MYO1B: variants seen among roughly 807,000 people sequenced by gnomAD.
MYO1B encodes the protein unconventional myosin-Ib.
A neutral mutation model predicts 159.7 loss-of-function variants in MYO1B; 72 were observed. The ratio of observed to expected loss-of-function variants is 0.45; its 90% confidence interval spans 0.37 to 0.55. The LOEUF is 0.55. Among genes scored for constraint, MYO1B ranks in the 20% least tolerant of loss-of-function variants. MYO1B has a pLI of 0.00. For missense variants in MYO1B, 1,062 were observed against 1,364.8 expected (o/e 0.78, Z 3.50); for synonymous variants, 468 against 473.8 (o/e 0.99, Z 0.16).
At chr2:191,415,427 G>C (rs1470596044) in intron 29 of MYO1B, among the ~76,000 whole-genome samples, 1 of 152,066 alleles carries the variant, frequency 6.6e-6, no homozygotes, top group East Asian at 1.9e-4. Context: ...CCCTACTTTG[G>C]ATCTTAACTT....
At chr2:191,284,000 A>G (rs1486315594) in intron 2 of MYO1B, among the ~76,000 whole-genome samples, 7 of 152,250 alleles carry the variant, frequency 4.6e-5, no homozygotes, top group Non-Finnish European at 1.0e-4. Flanking sequence ...TGATCATTAC[A>G]TGGTGCTCTC....
At chr2:191,318,702 T>A (rs933833517) in intron 3 of MYO1B, among the ~76,000 whole-genome samples, 13 of 152,222 alleles carry the variant, frequency 8.5e-5, no homozygotes, top group Non-Finnish European at 1.8e-4. Context: ...GTGTGTGATA[T>A]TTCAACATAG....
chr2:191,251,877 A>G (rs761583671), intron 1 of MYO1B, among the ~76,000 whole-genome samples: 14 of 152,076 alleles, frequency 9.2e-5, no homozygotes, highest in Non-Finnish European at 2.1e-4. Context: ...TCTTAATTGC[A>G]AGATTCCTGC....
rs544008370 is a variant in MYO1B, at chr2:191,372,514, C to T, written c.1185+2222C>T. Among the ~76,000 whole-genome samples, 5 of 152,288 alleles carry T rather than the reference C, an allele frequency of 3.3e-5. No homozygotes were observed. The South Asian group carries it at 1.0e-3, about 32-fold the overall frequency. ...CAGTAGTAAACATAACTGAGATATT[C>T]CTTGTCTGCATGGAGCTTAGAGTCT... is the stretch of plus-strand genomic sequence containing the variant. On this transcript the variant is annotated intron_variant, in intron 13 of 30. Transcript: ENST00000392318.
intron 4 of MYO1B, among the ~76,000 whole-genome samples, chr2:191,341,120 T>C (rs6434464): frequency 0.43 from 65,876 of 151,872 alleles, 14,998 homozygotes; most frequent in African/African-American, 0.59. Flanking sequence ...ACCCAGGTTA[T>C]CAAGTTATTT....
chr2:191,319,368 A>C (rs901677246), intron 3 of MYO1B, among the ~76,000 whole-genome samples: 1 of 152,164 alleles, frequency 6.6e-6, no homozygotes, highest in Non-Finnish European at 1.5e-5. Context: ...GAAAGCTGTC[A>C]GTCACTCTAG....
intron 1 of MYO1B, among the ~76,000 whole-genome samples, chr2:191,251,702 A>G (rs1478458549): frequency 6.6e-6 from 1 of 152,254 alleles, no homozygotes; most frequent in African/African-American, 2.4e-5. Flanking sequence ...CAATATCTTT[A>G]AAGACTTTTT....
At chr2:191,320,156 TTTG>T (rs751727096) in intron 3 of MYO1B, among the ~76,000 whole-genome samples, 107 of 152,268 alleles carry the variant, frequency 7.0e-4, no homozygotes, top group Non-Finnish European at 1.2e-3. Flanking sequence ...GGGGAAAGGT[TTTG>T]TTGTTGTTTT....
At chr2:191,414,421 G>A in intron 28 of MYO1B, 96 bp from the exon 29 acceptor site, 1 of 1,190,278 alleles carries the variant, frequency 8.4e-7, no homozygotes, top group Admixed American at 3.0e-5. Flanking sequence ...GTTTGTTGAA[G>A]GATATTGGAA....
chr2:191,351,200 A>G (rs548914885), intron 7 of MYO1B, among the ~76,000 whole-genome samples: 31 of 152,256 alleles, frequency 2.0e-4, no homozygotes, highest in African/African-American at 7.0e-4. Context: ...AAAAAAAAAA[A>G]AAAGAAAGTT....
At chr2:191,423,162 G>T (rs968050280) in intron 30 of MYO1B, among the ~76,000 whole-genome samples, 2 of 152,122 alleles carry the variant, frequency 1.3e-5, no homozygotes, top group African/African-American at 2.4e-5. Flanking sequence ...AGGTGATTTT[G>T]TGCAAACATC....
At position 191,330,061 on chromosome 2, in the gene MYO1B, G is replaced by A. The variant is rs777755939; in HGVS notation, c.346+32G>A. On this transcript the variant is annotated intron_variant, in intron 4 of 30. Coordinates refer to ENST00000392318, the MANE Select transcript of MYO1B (RefSeq NM_001130158.3). ...CTCCTACCAAGCAACTCTGCAGAAG[G>A]TAAATGCTGCACAGAATGACAACAG... 3.2e-6 allele frequency: 5 copies of A among 1,577,760 alleles called. No homozygotes were observed. In the Admixed American group the frequency reaches 6.7e-5, roughly 21 times the overall value.
intron 15 of MYO1B, among the ~76,000 whole-genome samples, 177 bp downstream of exon 15, chr2:191,383,519 C>CTT (rs780848794): frequency 8.7e-6 from 1 of 114,364 alleles, no homozygotes; most frequent in African/African-American, 3.9e-5. Context: ...TACACGTACA[C>CTT]ACACACACAC....
At chr2:191,254,590 C>T (rs942682144) in intron 1 of MYO1B, among the ~76,000 whole-genome samples, 1 of 151,982 alleles carries the variant, frequency 6.6e-6, no homozygotes, top group Non-Finnish European at 1.5e-5. Flanking sequence ...GGTGCAGCCT[C>T]ATACTCCTGG....
At chr2:191,412,083 G>C (rs1158893464) in intron 27 of MYO1B, among the ~76,000 whole-genome samples, 1 of 152,194 alleles carries the variant, frequency 6.6e-6, no homozygotes, top group Admixed American at 6.5e-5. Flanking sequence ...GACTCACTGG[G>C]TTTAAATATT....
chr2:191,369,438 A>G, intron 11 of MYO1B, 104 bp from the exon 12 acceptor site: 1 of 882,076 alleles, frequency 1.1e-6, no homozygotes, highest in Admixed American at 2.4e-5. Context: ...AAGATGTGAA[A>G]TAAAAGAGCT....
At chr2:191,299,050 C>T (rs1689151952) in intron 3 of MYO1B, among the ~76,000 whole-genome samples, 1 of 152,132 alleles carries the variant, frequency 6.6e-6, no homozygotes, top group Non-Finnish European at 1.5e-5. Context: ...TTTGCATTTT[C>T]AGCTTTAATC....
intron 11 of MYO1B, among the ~76,000 whole-genome samples, chr2:191,367,906 A>C (rs978020969): frequency 7.2e-5 from 11 of 152,244 alleles, no homozygotes; most frequent in African/African-American, 2.7e-4. Context: ...TTAAGAAAGC[A>C]AAAACTAGAA....
rs201215990 is a variant in MYO1B, at chr2:191,353,361, CAG to C, written c.562+3137_562+3138del. The stretch of plus-strand genomic sequence containing the variant: ...AAACTAGTTTTTAAAATTAACATCA[CAG>C]GCATTTGGTGGCAGTTTAGACAGTG... On this transcript the variant is annotated intron_variant, in intron 7 of 30. Transcript: ENST00000392318. Among the ~76,000 whole-genome samples, 13 of 152,246 alleles carry C rather than the reference CAG, an allele frequency of 8.5e-5. No individual in the cohort carries two copies. In the East Asian group the frequency reaches 2.5e-3, roughly 29 times the overall value.
Sources: allele counts gnomAD v4.1 joint callset (sites outside exome capture counted in the v4.1 genomes callset), GRCh38; gene constraint gnomAD v4.1.1; transcripts MANE v1.5; gene names NCBI Gene and HGNC (gene_info 2026-07-23, HGNC 2026-07-21).